Variants in PSD3 observed in about 807,000 individuals in gnomAD.
PSD3 encodes PH and SEC7 domain-containing protein 3.
PSD3 carries 49 observed loss-of-function variants against 105.5 expected under a neutral mutation model. The ratio of observed to expected loss-of-function variants is 0.46; its 90% CI spans 0.37 to 0.59. The LOEUF is 0.59. PSD3 is among the 20% of genes least tolerant of loss of function. The pLI, the probability that PSD3 is intolerant of heterozygous loss-of-function variation, is 0.00. For missense variants in PSD3, 1,561 were observed against 1,263.8 expected, an observed-to-expected ratio of 1.24 and a Z score of -3.57; for synonymous variants, 557 against 457.8, an observed-to-expected ratio of 1.22 and a Z score of -2.77.
At chr8:19,057,908 T>A (rs897275102) in intron 1 of PSD3, among the ~76,000 whole-genome samples, 3 of 152,158 alleles carry the variant, frequency 2.0e-5, no homozygotes, top group African/African-American at 7.2e-5. Context: ...AAACATACGC[T>A]CATCATATGA....
intron 11 of PSD3, among the ~76,000 whole-genome samples, chr8:18,602,473 C>T (rs980801558): frequency 7.9e-5 from 12 of 151,986 alleles, no homozygotes; most frequent in Non-Finnish European, 8.8e-5. Context: ...TTATCTTTGG[C>T]CAGTTACAAT....
intron 2 of PSD3, among the ~76,000 whole-genome samples, chr8:18,893,367 T>A (rs975428762): frequency 3.3e-5 from 5 of 152,128 alleles, no homozygotes; most frequent in African/African-American, 1.2e-4. Context: ...TCACTAAGCA[T>A]CCAAATGGCA....
intron 8 of PSD3, among the ~76,000 whole-genome samples, chr8:18,787,093 C>T (rs994552524): frequency 6.6e-6 from 1 of 152,136 alleles, no homozygotes; most frequent in East Asian, 1.9e-4. Context: ...ACGAATAAAG[C>T]AAATTCTAAT....
chr8:18,559,585 G>GA (rs1192072887), intron 14 of PSD3, among the ~76,000 whole-genome samples: 2 of 151,442 alleles, frequency 1.3e-5, no homozygotes, highest in East Asian at 1.9e-4. Context: ...GTTTATTTAA[G>GA]AAAAAATAGG....
intron 11 of PSD3, among the ~76,000 whole-genome samples, chr8:18,619,982 C>T (rs75212152): frequency 0.072 from 10,889 of 152,226 alleles, 530 homozygotes; most frequent in South Asian, 0.14. Context: ...AGCCCAACAC[C>T]TCAAAAGTCT....
chr8:18,598,703 T>A (rs1010495199), intron 12 of PSD3, among the ~76,000 whole-genome samples: 1 of 152,106 alleles, frequency 6.6e-6, no homozygotes, highest in Non-Finnish European at 1.5e-5. Flanking sequence ...TTCAGCAAAG[T>A]TGCAGGATAC....
chr8:18,652,358 A>G (rs1808551046), intron 10 of PSD3, among the ~76,000 whole-genome samples: 1 of 152,168 alleles, frequency 6.6e-6, no homozygotes. Context: ...CAAAGTGTCC[A>G]TCTAACGCTA....
chr8:18,564,600 G>A (rs1470258646), intron 14 of PSD3, among the ~76,000 whole-genome samples: 7 of 149,810 alleles, frequency 4.7e-5, no homozygotes, highest in Non-Finnish European at 1.0e-4. Context: ...CTGCACTCCA[G>A]CCTGGGTGAT....
At chr8:18,905,496 G>C (rs1270743860) in intron 2 of PSD3, among the ~76,000 whole-genome samples, 1 of 152,080 alleles carries the variant, frequency 6.6e-6, no homozygotes, top group African/African-American at 2.4e-5. Flanking sequence ...GATAATTTTT[G>C]TATTTTTAAT....
At chr8:18,900,530 G>A (rs1214448643) in intron 2 of PSD3, among the ~76,000 whole-genome samples, 1 of 151,954 alleles carries the variant, frequency 6.6e-6, no homozygotes, top group East Asian at 1.9e-4. Context: ...CTGCTTCTTG[G>A]GAGCACTTCC....
At position 18,532,048 on chromosome 8, in the gene PSD3, G is replaced by T. The variant is rs1373225592; in HGVS notation, c.*3695C>A. 1 of 152,116 alleles carries T rather than the reference G, an allele frequency of 6.6e-6. No individual in the cohort carries two copies. Among genetic ancestry groups the T allele is most frequent in the Non-Finnish European group, 1.5e-5 (1 of 68,024 alleles). The allele number at this position is 152,116 out of a possible 1,614,324, so 9.4% of individuals were successfully genotyped here. On this transcript the variant is annotated 3_prime_UTR_variant, in exon 16 of 16. Coordinates refer to ENST00000327040, the MANE Select transcript of PSD3 (RefSeq NM_015310.4). ...CAAGGACAATTAATGAAACCCAAAA[G>T]GTTTTGTTAGTAAGACAATGGAGAA...
intron 9 of PSD3, among the ~76,000 whole-genome samples, chr8:18,751,499 A>C (rs1165566064): frequency 6.7e-6 from 1 of 149,548 alleles, no homozygotes; most frequent in Non-Finnish European, 1.5e-5. Flanking sequence ...GAAAACCTGA[A>C]AACCATAGGC....
At chr8:18,590,663 T>C (rs1323473863) in intron 12 of PSD3, among the ~76,000 whole-genome samples, 3 of 152,126 alleles carry the variant, frequency 2.0e-5, no homozygotes, top group Admixed American at 2.0e-4. Context: ...TGTGTGTGTG[T>C]GCAGTGTTAT....
chr8:18,972,326 G>A (rs893817655), intron 1 of PSD3, among the ~76,000 whole-genome samples: 2 of 152,184 alleles, frequency 1.3e-5, no homozygotes, highest in African/African-American at 2.4e-5. Flanking sequence ...GTTCAGAACA[G>A]GTAACAGGAG....
chr8:18,798,400 C>T (rs1394972342), intron 8 of PSD3, among the ~76,000 whole-genome samples: 1 of 152,078 alleles, frequency 6.6e-6, no homozygotes, highest in African/African-American at 2.4e-5. Context: ...AACCCTTTCT[C>T]CCTGAACCCC....
In PSD3 at chr8:18,988,923, G is replaced by A. The variant is rs368668105; in HGVS notation, c.21+24640C>T. ...AAGCGCTTGCCATTTTGCCATGGGG[G>A]CTTCAAAGCTGACTGCAAGCCAGGG... is the stretch of plus-strand genomic sequence containing the variant. On this transcript the variant is annotated intron_variant, in intron 1 of 15. Coordinates refer to ENST00000327040, the MANE Select transcript of PSD3 (RefSeq NM_015310.4). Among the ~76,000 whole-genome samples the A allele has an allele frequency of 2.6e-5, 4 of 152,180 alleles. 1 individual carries two copies. The South Asian group carries it at 8.3e-4, about 32-fold the overall frequency.
intron 8 of PSD3, among the ~76,000 whole-genome samples, chr8:18,770,934 C>A (rs145842504): frequency 1.3e-5 from 2 of 152,118 alleles, no homozygotes; most frequent in African/African-American, 4.8e-5. Flanking sequence ...ATTTTATTGC[C>A]GATGGAAGTG....
At chr8:19,062,384 GATC>G (rs1246260192) in intron 1 of PSD3, among the ~76,000 whole-genome samples, 1 of 152,116 alleles carries the variant, frequency 6.6e-6, no homozygotes, top group South Asian at 2.1e-4. Flanking sequence ...TTGATGGGGT[GATC>G]ATCAAGTCCA....
intron 2 of PSD3, among the ~76,000 whole-genome samples, chr8:18,873,553 G>A (rs1586293290): frequency 6.6e-6 from 1 of 152,066 alleles, no homozygotes; most frequent in Admixed American, 6.6e-5. Flanking sequence ...TACCAGTACT[G>A]TACCTCAAAT....
Sources: gnomAD v4.1 joint callset for allele counts (sites outside exome capture counted in the v4.1 genomes callset) on GRCh38, gnomAD v4.1.1 for gene constraint, MANE v1.5 for transcripts, NCBI Gene and HGNC (gene_info 2026-07-23, HGNC 2026-07-21) for gene names.